NKAIN1: variants seen among roughly 807,000 people sequenced by gnomAD.
NKAIN1 encodes the protein sodium/potassium transporting ATPase interacting 1, also known as sodium/potassium-transporting ATPase subunit beta-1-interacting protein 1.
Under a neutral mutation model 31.6 loss-of-function variants are expected in NKAIN1, and 13 were observed. That is an observed-to-expected ratio of 0.41 (90% confidence interval 0.27 to 0.65). The LOEUF (loss-of-function observed/expected upper bound fraction) is 0.65, where lower values mean the gene tolerates loss of function less well. Ranked by LOEUF, NKAIN1 falls within the 30% of genes least tolerant of loss-of-function variation. NKAIN1 has a pLI of 0.30. For synonymous variants in NKAIN1, 104 were observed against 109.0 expected (o/e 0.95, Z 0.28); for missense variants, 193 against 262.2 (o/e 0.74, Z 1.82).
At chr1:31,236,930 C>T (rs1246457005) in intron 1 of NKAIN1, among the ~76,000 whole-genome samples, 1 of 152,180 alleles carries the variant, frequency 6.6e-6, no homozygotes, top group African/African-American at 2.4e-5. Flanking sequence ...AAGAAGGCAA[C>T]AGAGGACCTG....
At chr1:31,182,819 A>T (rs192569368) in intron 4 of NKAIN1, among the ~76,000 whole-genome samples, 2 of 152,312 alleles carry the variant, frequency 1.3e-5, no homozygotes, top group Admixed American at 1.3e-4. Flanking sequence ...TTTGAGCCTC[A>T]GTTTTCCCAC....
rs1645199173 is a variant in NKAIN1, at chr1:31,181,689, G to A, written c.*14C>T. On this transcript the variant is annotated 3_prime_UTR_variant, in exon 7 of 7. Coordinates refer to ENST00000373736, the MANE Select transcript of NKAIN1 (RefSeq NM_024522.3). ...AGCCCAGGGCGAGGCGCCGGGGTGG[G>A]CGCGGGGCAGAGGCTACCCCGACCT... is the stretch of plus-strand genomic sequence containing the variant. The A allele has an allele frequency of 6.8e-7, 1 of 1,460,874 alleles. No individual in the cohort carries two copies. Among genetic ancestry groups the A allele is most frequent in the South Asian group, 1.4e-5 (1 of 69,902 alleles). The allele number at this position is 1,460,874 out of a possible 1,614,324, so 90.5% of individuals were successfully genotyped here. A position where few individuals can be genotyped will look rare whatever the true frequency, so the allele number is the denominator to read the frequency against.
intron 1 of NKAIN1, among the ~76,000 whole-genome samples, chr1:31,206,891 G>A (rs985935168): frequency 6.6e-6 from 1 of 152,012 alleles, no homozygotes; most frequent in Admixed American, 6.6e-5. Flanking sequence ...GCACCACTAC[G>A]CTCAGCTAGG....
intron 2 of NKAIN1, among the ~76,000 whole-genome samples, chr1:31,186,755 C>T (rs1645247500): frequency 6.6e-6 from 1 of 152,194 alleles, no homozygotes; most frequent in South Asian, 2.1e-4. Context: ...GTCAATGTGC[C>T]CCGCTCCAGC....
At chr1:31,183,036 C>T (rs1175761610) in intron 4 of NKAIN1, among the ~76,000 whole-genome samples, 2 of 151,836 alleles carry the variant, frequency 1.3e-5, no homozygotes, top group African/African-American at 4.8e-5. Flanking sequence ...GTCACCCAGG[C>T]TGTAGTGCAG....
intron 4 of NKAIN1, 26 bp downstream of exon 4, chr1:31,183,791 G>A (rs374029233): frequency 4.1e-5 from 65 of 1,598,876 alleles, no homozygotes; most frequent in Non-Finnish European, 5.4e-5. Flanking sequence ...GGAAGTGTGT[G>A]TAGGGTGGGG....
At chr1:31,208,445 A>G (rs1193214649) in intron 1 of NKAIN1, among the ~76,000 whole-genome samples, 1 of 152,134 alleles carries the variant, frequency 6.6e-6, no homozygotes, top group Non-Finnish European at 1.5e-5. Flanking sequence ...TTCTTTCCAG[A>G]AGCCTTTCTT....
intron 1 of NKAIN1, among the ~76,000 whole-genome samples, chr1:31,228,826 C>T (rs1203618931): frequency 6.6e-6 from 1 of 151,944 alleles, no homozygotes; most frequent in African/African-American, 2.4e-5. Context: ...GAACTCCGGG[C>T]CTCAAGTCAT....
chr1:31,187,919 C>G, intron 2 of NKAIN1, 131 bp downstream of exon 2: 1 of 977,030 alleles, frequency 1.0e-6, no homozygotes, highest in Non-Finnish European at 1.5e-6. Flanking sequence ...TTCACCCCAT[C>G]TTGTTTTGGG....
In NKAIN1 at chr1:31,233,845, G is replaced by A. The variant is rs143611566; in HGVS notation, c.54+5649C>T. ...TGGGCTCGTTCGTGGGGTAGAAGCT[G>A]TTTTTCTGACTACTTTGTAAGTAAG... On this transcript the variant is annotated intron_variant, in intron 1 of 6. Coordinates refer to ENST00000373736, the MANE Select transcript of NKAIN1 (RefSeq NM_024522.3). The surrounding 1 kb of genome is among the most constrained non-coding windows in gnomAD (Gnocchi z 4.0). Among the ~76,000 whole-genome samples the A allele has an allele frequency of 3.6e-3, 541 of 152,324 alleles. 5 individuals carry two copies. In the Middle Eastern group the frequency reaches 0.044, roughly 12 times the overall value.
chr1:31,239,452 G>A lies in NKAIN1; in HGVS notation c.54+42C>T. ...GCACGCCCTGGGACCGCGCCCCGCC[G>A]CGCCCCACCCTGCCCCGACTGCCTG... On this transcript the variant is annotated intron_variant, in intron 1 of 6. Transcript: ENST00000373736. The surrounding 1 kb of genome is among the most constrained non-coding windows in gnomAD (Gnocchi z 4.8). 2 of 1,419,832 alleles carry A rather than the reference G, an allele frequency of 1.4e-6. No homozygotes were observed. Among genetic ancestry groups the A allele is most frequent in the Non-Finnish European group, 1.8e-6 (2 of 1,087,112 alleles). 88.0% of individuals were successfully genotyped at this position (1,419,832 alleles called of 1,614,324 possible).
At chr1:31,224,565 G>T (rs1645587990) in intron 1 of NKAIN1, among the ~76,000 whole-genome samples, 1 of 152,232 alleles carries the variant, frequency 6.6e-6, no homozygotes, top group Admixed American at 6.5e-5. Context: ...TACAAACACA[G>T]AAACATACCA....
intron 1 of NKAIN1, among the ~76,000 whole-genome samples, chr1:31,199,703 A>G (rs1054613213): frequency 5.3e-5 from 8 of 152,112 alleles, no homozygotes; most frequent in Admixed American, 2.6e-4. Flanking sequence ...AACTCAACAT[A>G]AGATTAAAAG....
chr1:31,205,391 T>C (rs4949360), intron 1 of NKAIN1, among the ~76,000 whole-genome samples: 114,160 of 151,948 alleles, frequency 0.75, 43,371 homozygotes, highest in Middle Eastern at 0.9. Flanking sequence ...TTACCACAAC[T>C]TCTGCCTTCT....
intron 1 of NKAIN1, among the ~76,000 whole-genome samples, chr1:31,194,832 C>T (rs35056890): frequency 0.13 from 16,907 of 126,804 alleles, 1,320 homozygotes; most frequent in Non-Finnish European, 0.18. Flanking sequence ...AGTGCAGTGG[C>T]GGGATCTCAG....
intron 1 of NKAIN1, among the ~76,000 whole-genome samples, chr1:31,222,251 A>T (rs1322916179): frequency 6.6e-6 from 1 of 152,200 alleles, no homozygotes; most frequent in African/African-American, 2.4e-5. Flanking sequence ...AAAAACCCAC[A>T]TCTGAAAGCT....
rs750844084 is a variant in NKAIN1, at chr1:31,182,552, C to T, written c.510G>A (p.Val170=). ...GFVFACYVSK[V]FLEEEDSFDF... is the part of the protein sequence containing the mutation. ...CACAGCTGTCCTCCTCCTCCAGGAA[C>T]ACTTTGCTCACGTAGCAGGCGAACA... Residue 170 remains valine, a synonymous_variant, in exon 5 of 7, where the codon GTG becomes GTA. Transcript: ENST00000373736. The T allele has an allele frequency of 6.8e-6, 11 of 1,614,048 alleles. No individual in the cohort carries two copies. The South Asian group carries it at 1.2e-4, about 18-fold the overall frequency.
intron 1 of NKAIN1, among the ~76,000 whole-genome samples, chr1:31,209,292 T>C (rs1023349696): frequency 5.3e-5 from 8 of 152,126 alleles, no homozygotes; most frequent in Admixed American, 2.6e-4. Flanking sequence ...AGAGAATCAC[T>C]TGAACCCGGG....
chr1:31,230,945 C>T (rs962232795), intron 1 of NKAIN1, among the ~76,000 whole-genome samples: 19 of 146,374 alleles, frequency 1.3e-4, no homozygotes, highest in Admixed American at 7.8e-4. Flanking sequence ...TGTAGTGGCA[C>T]GATCTTGGCT....
Sources: gnomAD v4.1 joint callset for allele counts (sites outside exome capture counted in the v4.1 genomes callset) on GRCh38, gnomAD v4.1.1 for gene constraint, Gnocchi (gnomAD v3.1) non-coding constraint, MANE v1.5 for transcripts, NCBI Gene and HGNC (gene_info 2026-07-23, HGNC 2026-07-21) for gene names.